DNMT3B: variants seen among roughly 807,000 people sequenced by gnomAD.
DNMT3B encodes the protein DNA methyltransferase 3 beta, also known as DNA (cytosine-5)-methyltransferase 3B.
DNMT3B carries 37 observed loss-of-function variants against 120.2 expected under a neutral mutation model. That is an observed-to-expected ratio of 0.31 (90% CI 0.24 to 0.40). The LOEUF (loss-of-function observed/expected upper bound fraction) is 0.40, where lower values mean the gene tolerates loss of function less well. DNMT3B is among the 10% of genes least tolerant of loss of function. The pLI, the probability that DNMT3B is intolerant of heterozygous loss-of-function variation, is 1.00. For synonymous variants in DNMT3B, 412 were observed against 442.8 expected, an observed-to-expected ratio of 0.93 and a Z score of 0.87; for missense variants, 878 against 1,137.3, an observed-to-expected ratio of 0.77 and a Z score of 3.28.
chr20:32,774,280 G>A (rs1366852541), intron 1 of DNMT3B, among the ~76,000 whole-genome samples: 1 of 151,348 alleles, frequency 6.6e-6, no homozygotes, highest in Non-Finnish European at 1.5e-5. Context: ...TGCTATCTCC[G>A]CTCACTGCAA....
At chr20:32,765,748 T>TC (rs1987310700) in intron 1 of DNMT3B, among the ~76,000 whole-genome samples, 2 of 130,060 alleles carry the variant, frequency 1.5e-5, no homozygotes, top group African/African-American at 7.3e-5. Flanking sequence ...TATTTATTTT[T>TC]TCTTTTTTTC....
At chr20:32,789,233 G>T (rs901604398) in intron 7 of DNMT3B, among the ~76,000 whole-genome samples, 1 of 152,246 alleles carries the variant, frequency 6.6e-6, no homozygotes, top group South Asian at 2.1e-4. Flanking sequence ...TGGGCAGTTG[G>T]ATTTTATGTT....
Position 32,796,207 on chromosome 20 carries a change from C to A in DNMT3B, c.1297+513C>A, listed in dbSNP as rs548362124. ...ACACCACATCCCTGACCCAGAGAAC[C>A]CGGGGAAGAGCTTCGGTTTAGAAAT... is the stretch of plus-strand genomic sequence containing the variant. On this transcript the variant is annotated intron_variant, in intron 12 of 22. Coordinates refer to ENST00000328111, the MANE Select transcript of DNMT3B (RefSeq NM_006892.4). Among the ~76,000 whole-genome samples, 4 of 152,234 alleles carry A rather than the reference C, an allele frequency of 2.6e-5. No individual in the cohort carries two copies. The East Asian group carries it at 7.7e-4, about 29-fold the overall frequency.
At chr20:32,801,204 T>C in intron 18 of DNMT3B, 74 bp from the exon 19 acceptor site, 1 of 1,609,122 alleles carries the variant, frequency 6.2e-7, no homozygotes, top group Non-Finnish European at 8.5e-7. Flanking sequence ...GGGAACCTGC[T>C]GGTCTCAGGG....
Position 32,780,451 on chromosome 20 carries a change from C to A in DNMT3B, c.128C>A (p.Thr43Asn), listed in dbSNP as rs757214677. Residue 43 changes from threonine to asparagine, a missense_variant, in exon 2 of 23, where the codon ACC becomes AAC. Physicochemically the swap from Thr to Asn is moderately conservative, Grantham distance 65. This residue lies in a region of DNMT3B where 287 missense variants were observed against 306.2 expected (regional missense o/e 0.94). Transcript: ENST00000328111. ...DSPPILEAIR[T>N]PEIRGRRSSS... is the part of the protein sequence containing the mutation. ...CCCCCAATCCTGGAGGCTATCCGCA[C>A]CCCGGAGATCAGAGGTGGCTGGGCA... 6.2e-7 allele frequency: 1 copy of A among 1,612,976 alleles called. No individual in the cohort carries two copies. Among genetic ancestry groups the A allele is most frequent in the African/African-American group, 1.3e-5 (1 of 74,888 alleles).
At chr20:32,795,618 C>T (rs1477994436) in intron 11 of DNMT3B, 32 bp from the exon 12 acceptor site, 3 of 1,613,956 alleles carry the variant, frequency 1.9e-6, no homozygotes, top group East Asian at 2.2e-5. Flanking sequence ...GGCTCCCTGA[C>T]CTCATCTCAT....
chr20:32,800,191 A>G lies in DNMT3B; in HGVS notation c.1798A>G (p.Lys600Glu). Residue 600 changes from lysine to glutamate, a missense_variant, in exon 17 of 23, where the codon AAG (lysine) becomes GAG (glutamate). Coordinates refer to ENST00000328111, the MANE Select transcript of DNMT3B (RefSeq NM_006892.4). ...CAAAGAGTTGGGCATAAAGGTAGGA[A>G]AGTACGTCGCTTCTGAAGTGTGTGA... ...VLKELGIKVG[K>E]YVASEVCEES... 1 of 1,614,244 alleles carries G rather than the reference A, an allele frequency of 6.2e-7. No individual in the cohort carries two copies. Among genetic ancestry groups the G allele is most frequent in the South Asian group, 1.1e-5 (1 of 91,084 alleles).
At chr20:32,804,226 G>A (rs973114184) in intron 20 of DNMT3B, among the ~76,000 whole-genome samples, 3 of 152,194 alleles carry the variant, frequency 2.0e-5, no homozygotes, top group Non-Finnish European at 2.9e-5. Context: ...TATAGGATGG[G>A]TGTGTCAGGC....
chr20:32,786,006 C>G (rs148275775), intron 4 of DNMT3B, among the ~76,000 whole-genome samples: 2 of 152,196 alleles, frequency 1.3e-5, no homozygotes, highest in African/African-American at 4.8e-5. Context: ...GCCTCAGCCT[C>G]CTGAGTAGCT....
At chr20:32,794,242 G>A (rs1980339539) in intron 10 of DNMT3B, among the ~76,000 whole-genome samples, 2 of 150,820 alleles carry the variant, frequency 1.3e-5, no homozygotes, top group South Asian at 4.2e-4. Flanking sequence ...GCCTGTGGAG[G>A]CTGAGGTGGG....
chr20:32,807,622 C>T, intron 22 of DNMT3B, 140 bp from the exon 23 acceptor site: 1 of 1,260,626 alleles, frequency 7.9e-7, no homozygotes, highest in Non-Finnish European at 1.1e-6. Flanking sequence ...GAATTAAGGG[C>T]TCTGAATTTA....
At chr20:32,786,265 G>A (rs1219378192) in intron 4 of DNMT3B, among the ~76,000 whole-genome samples, 1 of 152,230 alleles carries the variant, frequency 6.6e-6, no homozygotes, top group African/African-American at 2.4e-5. Flanking sequence ...GGCAGAGCAG[G>A]ACCTGCTGGG....
Position 32,806,298 on chromosome 20 carries a change from A to C in DNMT3B, c.2391A>C (p.Glu797Asp), listed in dbSNP as rs758296438. ...QLFPVVMNGK[E>D]DVLWCTELER... ...TCCCTGTTGTCATGAATGGCAAAGA[A>C]GATGTTTTGTGGTGCACTGAGCTCG... is the stretch of plus-strand genomic sequence containing the variant. Residue 797 changes from glutamate to aspartate, a missense_variant, in exon 22 of 23, where the codon GAA becomes GAC. Physicochemically the swap from Glu to Asp is conservative, Grantham distance 45. Transcript: ENST00000328111. The C allele has an allele frequency of 6.2e-7, 1 of 1,614,238 alleles. No individual in the cohort carries two copies. Among genetic ancestry groups the C allele is most frequent in the South Asian group, 1.1e-5 (1 of 91,084 alleles).
chr20:32,799,109 A>G, intron 15 of DNMT3B, 135 bp from the exon 16 acceptor site: 1 of 923,526 alleles, frequency 1.1e-6, no homozygotes. Flanking sequence ...AATCCCCATC[A>G]AGCCTTCAGT....
chr20:32,764,973 GT>G (rs1987217137), intron 1 of DNMT3B, among the ~76,000 whole-genome samples: 1 of 152,238 alleles, frequency 6.6e-6, no homozygotes, highest in Non-Finnish European at 1.5e-5. Flanking sequence ...CCTGCTGCCA[GT>G]GGGGGCTTGG....
chr20:32,797,212 T>A lies in DNMT3B; in HGVS notation c.1403T>A (p.Met468Lys), dbSNP rs189867424. Residue 468 changes from methionine to lysine, a missense_variant, in exon 14 of 23, where the codon ATG becomes AAG. Physicochemically the swap from Met to Lys is moderately conservative, Grantham distance 95 (BLOSUM62 -1). Coordinates refer to ENST00000328111, the MANE Select transcript of DNMT3B (RefSeq NM_006892.4). ...GATCGCTTCCTTGAGCTGTTTTACA[T>A]GTATGATGACGATGGCTATCAGTCT... The part of the protein sequence containing the change: ...CRDRFLELFY[M>K]YDDDGYQSYC... 1.2e-6 allele frequency: 2 copies of A among 1,614,152 alleles called. No homozygotes were observed. The highest frequency in any genetic ancestry group is 8.5e-7 in the Non-Finnish European group (1 of 1,180,052).
At position 32,808,417 on chromosome 20, in the gene DNMT3B, T is replaced by C. The variant is rs1982192102; in HGVS notation, c.*514T>C. ...CATTTTTAAGGGCCCAGGATCGTTT[T>C]TTCCCAGGGCAAGCAGAAGAGAAAA... On this transcript the variant is annotated 3_prime_UTR_variant, in exon 23 of 23. Transcript: ENST00000328111. The C allele has an allele frequency of 4.1e-6, 1 of 244,076 alleles. No individual in the cohort carries two copies. 15.1% of individuals were successfully genotyped at this position (244,076 alleles called of 1,614,324 possible). A position where few individuals can be genotyped will look rare whatever the true frequency, so the allele number is the denominator to read the frequency against.
At chr20:32,781,265 G>A (rs1011153215) in intron 2 of DNMT3B, 88 bp from the exon 3 acceptor site, 22 of 1,417,980 alleles carry the variant, frequency 1.6e-5, no homozygotes, top group South Asian at 1.3e-4. Context: ...CCCAGGCCAC[G>A]CCACGGAGAA....
At chr20:32,784,648 G>T in intron 3 of DNMT3B, 110 bp from the exon 4 acceptor site, 1 of 1,186,672 alleles carries the variant, frequency 8.4e-7, no homozygotes. Flanking sequence ...GAGTGACCCG[G>T]TCTCCCTGCC....
Sources: allele counts gnomAD v4.1 joint callset (sites outside exome capture counted in the v4.1 genomes callset), GRCh38; gene constraint gnomAD v4.1.1; regional missense constraint gnomAD v4.1.1; transcripts MANE v1.5; gene names NCBI Gene and HGNC (gene_info 2026-07-23, HGNC 2026-07-21).